ROBO2: variants seen among roughly 807,000 people sequenced by gnomAD.
ROBO2 encodes roundabout homolog 2.
ROBO2 carries 53 observed loss-of-function variants against 160.8 expected under a neutral mutation model. The observed-to-expected ratio is 0.33, with a 90% CI of 0.26 to 0.41. The LOEUF is 0.41. Ranked by LOEUF, ROBO2 falls within the 10% of genes least tolerant of loss-of-function variation. ROBO2 has a pLI of 1.00. For synonymous variants in ROBO2, 664 were observed against 611.7 expected (o/e 1.09, Z -1.26); for missense variants, 1,577 against 1,722.4 (o/e 0.92, Z 1.49).
chr3:76,888,002 A>G (rs1166587677), intron 2 of ROBO2, among the ~76,000 whole-genome samples: 1 of 152,190 alleles, frequency 6.6e-6, no homozygotes, highest in Non-Finnish European at 1.5e-5. Context: ...GACTTTACCT[A>G]CATTCGAATT....
rs192017190 is a variant in ROBO2, at chr3:75,956,966, G to C, written c.109+19364G>C. On this transcript the variant is annotated intron_variant, in intron 2 of 26. Transcript: ENST00000487694. ...GCAAGTTGATACACGTTGTAGCCCT[G>C]ATGTTATTTTAGGGCATACAGTTGA... 3.3e-5 allele frequency among the ~76,000 whole-genome samples: 5 copies of C among 151,696 alleles called. No individual in the cohort carries two copies. In the East Asian group the frequency reaches 7.8e-4, roughly 24 times the overall value.
At chr3:76,513,514 C>T (rs964951607) in intron 2 of ROBO2, among the ~76,000 whole-genome samples, 6 of 152,132 alleles carry the variant, frequency 3.9e-5, no homozygotes, top group African/African-American at 1.2e-4. Context: ...CACCACCACG[C>T]CTGGCGTGGC....
Position 75,999,961 on chromosome 3 carries a change from C to T in ROBO2, c.109+62359C>T, listed in dbSNP as rs188961868. On this transcript the variant is annotated intron_variant, in intron 2 of 26. Transcript: ENST00000487694. ...GAGTATTTTCTTAAATGGACATTGTCAATTCTTTAATAAAAGAAATATTTA... is the reference window on the plus strand; with the variant it reads ...GAGTATTTTCTTAAATGGACATTGTTAATTCTTTAATAAAAGAAATATTTA... Among the ~76,000 whole-genome samples, 90 of 152,236 alleles carry T rather than the reference C, an allele frequency of 5.9e-4. 1 individual carries two copies. Among genetic ancestry groups the T allele is most frequent in the Admixed American group, 3.7e-3 (56 of 15,282 alleles).
At position 76,682,659 on chromosome 3, in the gene ROBO2, G is replaced by C. The variant is rs148541140; in HGVS notation, c.110-415355G>C. 7.2e-5 allele frequency among the ~76,000 whole-genome samples: 11 copies of C among 152,220 alleles called. No homozygotes were observed. In the East Asian group the frequency reaches 1.7e-3, roughly 24 times the overall value. ...CTGACCTCGTGATCCACCTGCCTCT[G>C]CCTCCCAAAGTGCTGGGATTGAAGG... On this transcript the variant is annotated intron_variant, in intron 2 of 26. Coordinates refer to the ROBO2 transcript ENST00000487694.
intron 2 of ROBO2, among the ~76,000 whole-genome samples, chr3:76,031,064 C>G (rs1405550840): frequency 2.0e-5 from 3 of 152,142 alleles, no homozygotes; most frequent in African/African-American, 7.2e-5. Context: ...TTATAGTTCT[C>G]TCTGAAGAGG....
chr3:76,080,554 A>G (rs1169455784), intron 2 of ROBO2, among the ~76,000 whole-genome samples: 1 of 152,200 alleles, frequency 6.6e-6, no homozygotes, highest in Non-Finnish European at 1.5e-5. Flanking sequence ...TGTTTAATCA[A>G]ATAACCACTA....
intron 2 of ROBO2, among the ~76,000 whole-genome samples, chr3:77,100,187 A>G (rs2071713729): frequency 6.6e-6 from 1 of 152,110 alleles, no homozygotes; most frequent in African/African-American, 2.4e-5. Context: ...GTAATGTGAC[A>G]GTAATTTTTT....
intron 2 of ROBO2, among the ~76,000 whole-genome samples, chr3:77,145,829 T>G (rs2077076075): frequency 6.6e-6 from 1 of 152,190 alleles, no homozygotes; most frequent in Admixed American, 6.5e-5. Flanking sequence ...AACAGCATGC[T>G]TATTCATTTG....
intron 2 of ROBO2, among the ~76,000 whole-genome samples, chr3:77,276,137 C>T (rs2059807955): frequency 6.6e-6 from 1 of 151,908 alleles, no homozygotes; most frequent in South Asian, 2.1e-4. Flanking sequence ...TTCCACTGCC[C>T]TTCACATTTT....
intron 2 of ROBO2, among the ~76,000 whole-genome samples, chr3:76,580,354 G>GTTTTTTTTTTTGTT (rs2085618341): frequency 2.2e-5 from 1 of 46,364 alleles, no homozygotes; most frequent in African/African-American, 7.6e-5. Context: ...TTTTTTTTTT[G>GTTTTTTTTTTTGTT]TTTTTTTTTT....
At chr3:76,823,777 G>A (rs2066326064) in intron 2 of ROBO2, among the ~76,000 whole-genome samples, 1 of 152,110 alleles carries the variant, frequency 6.6e-6, no homozygotes, top group Admixed American at 6.6e-5. Context: ...GGAGGAGAAG[G>A]GGAGATAACG....
intron 1 of ROBO2, among the ~76,000 whole-genome samples, chr3:77,087,820 G>GTA (rs1034966073): frequency 3.6e-4 from 54 of 151,582 alleles, no homozygotes; most frequent in African/African-American, 1.2e-3. Context: ...TAGGAATGTT[G>GTA]TATATATATA....
intron 2 of ROBO2, among the ~76,000 whole-genome samples, chr3:76,259,027 T>C (rs1259784764): frequency 6.6e-6 from 1 of 152,148 alleles, no homozygotes; most frequent in Non-Finnish European, 1.5e-5. Flanking sequence ...CATTTATTTC[T>C]CTGTTGACTA....
At chr3:76,527,117 G>A (rs2107991608) in intron 2 of ROBO2, among the ~76,000 whole-genome samples, 1 of 151,850 alleles carries the variant, frequency 6.6e-6, no homozygotes, top group East Asian at 1.9e-4. Flanking sequence ...AAGTTTAACA[G>A]CAAAATTTAT....
intron 2 of ROBO2, among the ~76,000 whole-genome samples, chr3:77,331,466 A>G (rs1331884665): frequency 1.3e-5 from 2 of 152,180 alleles, no homozygotes; most frequent in African/African-American, 4.8e-5. Context: ...TGTGCCCCAG[A>G]GTGTTGTATC....
intron 2 of ROBO2, among the ~76,000 whole-genome samples, chr3:77,151,507 T>C (rs931842221): frequency 6.6e-6 from 1 of 152,170 alleles, no homozygotes; most frequent in Non-Finnish European, 1.5e-5. Context: ...TTCAGATGAA[T>C]GCTTTGTGAA....
intron 2 of ROBO2, among the ~76,000 whole-genome samples, chr3:77,139,358 T>C (rs2076526989): frequency 6.6e-6 from 1 of 152,188 alleles, no homozygotes; most frequent in Non-Finnish European, 1.5e-5. Flanking sequence ...ATTAATACAC[T>C]CCATTCATAT....
chr3:76,925,997 C>T (rs2076968234), intron 2 of ROBO2, among the ~76,000 whole-genome samples: 1 of 152,186 alleles, frequency 6.6e-6, no homozygotes. Flanking sequence ...AACTGCCATG[C>T]TACCAATTGG....
intron 2 of ROBO2, among the ~76,000 whole-genome samples, chr3:76,616,533 A>C (rs7639788): frequency 0.023 from 3,532 of 152,266 alleles, 65 homozygotes; most frequent in Non-Finnish European, 0.035. Flanking sequence ...TTCCACAGAA[A>C]AGCTGTTATA....
Sources: gnomAD v4.1 joint callset for allele counts (sites outside exome capture counted in the v4.1 genomes callset) on GRCh38, gnomAD v4.1.1 for gene constraint, MANE v1.5 for transcripts, NCBI Gene and HGNC (gene_info 2026-07-23, HGNC 2026-07-21) for gene names.